The following FAM78B variants were observed in gnomAD, a reference collection of about 807,000 sequenced individuals.
FAM78B encodes family with sequence similarity 78 member B, also known as protein FAM78B.
Under a neutral mutation model 20.0 loss-of-function variants are expected in FAM78B, and 10 were observed. That is an observed-to-expected ratio of 0.50 (90% CI 0.31 to 0.85). The LOEUF (loss-of-function observed/expected upper bound fraction) is 0.85, where lower values mean the gene tolerates loss of function less well. Ranked by LOEUF, FAM78B falls within the 40% of genes least tolerant of loss-of-function variation. The pLI, the probability that FAM78B is intolerant of heterozygous loss-of-function variation, is 0.05. For missense variants in FAM78B, 283 were observed against 345.0 expected (o/e 0.82, Z 1.42); for synonymous variants, 135 against 132.8 (o/e 1.02, Z -0.12).
downstream of FAM78B, among the ~76,000 whole-genome samples, chr1:166,065,341 T>G (rs1265036540): frequency 1.3e-5 from 2 of 152,242 alleles, no homozygotes; most frequent in Non-Finnish European, 1.5e-5. Flanking sequence ...AAAGTGGTGA[T>G]ATAATGCCAA....
intron 1 of FAM78B, among the ~76,000 whole-genome samples, chr1:166,126,837 T>A (rs1020999636): frequency 6.6e-6 from 1 of 152,186 alleles, no homozygotes; most frequent in Non-Finnish European, 1.5e-5. Flanking sequence ...TAACCAAGTA[T>A]TGGAGCTGGG....
chr1:166,079,599 G>A (rs776013289), intron 1 of FAM78B, among the ~76,000 whole-genome samples: 20 of 152,140 alleles, frequency 1.3e-4, no homozygotes, highest in Non-Finnish European at 2.5e-4. Context: ...GGGGTGGGAG[G>A]GGAAGTAGGT....
intron 1 of FAM78B, among the ~76,000 whole-genome samples, chr1:166,071,348 G>T (rs1408878558): frequency 6.6e-6 from 1 of 152,186 alleles, no homozygotes; most frequent in Non-Finnish European, 1.5e-5. Context: ...AGAAAATCAT[G>T]GTCATCTTCT....
intron 1 of FAM78B, among the ~76,000 whole-genome samples, 190 bp downstream of exon 1, chr1:166,165,796 G>T (rs1656347347): frequency 6.6e-6 from 1 of 152,110 alleles, no homozygotes; most frequent in Admixed American, 6.5e-5. Context: ...GCCTTCGCAA[G>T]GAGCCTCCCT....
intron 1 of FAM78B, among the ~76,000 whole-genome samples, chr1:166,142,857 G>A (rs1477319670): frequency 6.6e-6 from 1 of 152,202 alleles, no homozygotes; most frequent in African/African-American, 2.4e-5. Context: ...AAGGAATTGT[G>A]CTCTTGCCCT....
intron 1 of FAM78B, 96 bp downstream of exon 1, chr1:166,165,890 G>T (rs1656354972): frequency 1.1e-5 from 15 of 1,425,224 alleles, no homozygotes; most frequent in Middle Eastern, 1.8e-4. Flanking sequence ...AAGACGATGG[G>T]GACAGCAGTA....
chr1:166,071,050 A>T (rs1652007785), intron 1 of FAM78B, among the ~76,000 whole-genome samples: 1 of 152,246 alleles, frequency 6.6e-6, no homozygotes, highest in East Asian at 1.9e-4. Context: ...AGAGACATCA[A>T]CTAGTTAGAT....
At chr1:166,137,451 G>C (rs982633960) in intron 1 of FAM78B, among the ~76,000 whole-genome samples, 5 of 151,914 alleles carry the variant, frequency 3.3e-5, no homozygotes, top group African/African-American at 9.7e-5. Context: ...TTACATAGCA[G>C]GACAGTAGCT....
intron 1 of FAM78B, among the ~76,000 whole-genome samples, chr1:166,165,249 T>A (rs1426219887): frequency 6.6e-6 from 1 of 152,182 alleles, no homozygotes; most frequent in Non-Finnish European, 1.5e-5. Context: ...AAGAGATCCA[T>A]CCTTTCCTTT....
At chr1:166,121,660 G>T (rs1353408896) in intron 1 of FAM78B, among the ~76,000 whole-genome samples, 1 of 152,164 alleles carries the variant, frequency 6.6e-6, no homozygotes, top group Non-Finnish European at 1.5e-5. Context: ...TTAGCACCAT[G>T]TGCCAAGGTT....
chr1:166,102,754 T>C (rs1653582908), intron 1 of FAM78B, among the ~76,000 whole-genome samples: 1 of 152,048 alleles, frequency 6.6e-6, no homozygotes, highest in Non-Finnish European at 1.5e-5. Context: ...CACACAATAA[T>C]AACGGGAGAC....
intron 1 of FAM78B, among the ~76,000 whole-genome samples, chr1:166,083,501 C>T (rs1418453116): frequency 2.0e-5 from 3 of 152,134 alleles, no homozygotes; most frequent in Non-Finnish European, 4.4e-5. Flanking sequence ...AAAACCCACG[C>T]TGTAGGTTTT....
intron 1 of FAM78B, among the ~76,000 whole-genome samples, chr1:166,100,542 T>A (rs936286475): frequency 6.6e-6 from 1 of 152,202 alleles, no homozygotes; most frequent in Non-Finnish European, 1.5e-5. Context: ...ACCAGGAGAT[T>A]ATATCCCATG....
chr1:166,099,969 C>T (rs572812155), intron 1 of FAM78B, among the ~76,000 whole-genome samples: 5 of 152,262 alleles, frequency 3.3e-5, no homozygotes, highest in African/African-American at 1.2e-4. Flanking sequence ...TTCTATTCAA[C>T]AGTGCATGGA....
intron 1 of FAM78B, among the ~76,000 whole-genome samples, chr1:166,114,895 G>A (rs1654199477): frequency 6.6e-6 from 1 of 152,134 alleles, no homozygotes. Flanking sequence ...TGTATCCTGG[G>A]GCCTCCTCAC....
rs920980877 is a variant in FAM78B at position 166,166,290 on chromosome 1, G to C, written c.-42C>G. On this transcript the variant is annotated 5_prime_UTR_variant, in exon 1 of 2. Transcript: ENST00000354422. Reference sequence around the variant, plus strand: ...GGCACGGCGCGGCGTGGGGCAGCGCGGGGGCCCGCGCGGGCAGCCGGGGGC... The same window carrying C: ...GGCACGGCGCGGCGTGGGGCAGCGCCGGGGCCCGCGCGGGCAGCCGGGGGC... The C allele has an allele frequency of 2.7e-5, 33 of 1,205,120 alleles. No individual in the cohort carries two copies. The highest frequency in any genetic ancestry group is 7.2e-6 in the Non-Finnish European group (7 of 970,114). The allele number at this position is 1,205,120 out of a possible 1,614,324, so 74.7% of individuals were successfully genotyped here.
At chr1:166,102,287 G>A (rs897964921) in intron 1 of FAM78B, among the ~76,000 whole-genome samples, 1 of 152,224 alleles carries the variant, frequency 6.6e-6, no homozygotes, top group Non-Finnish European at 1.5e-5. Flanking sequence ...AGGCTAGGAA[G>A]AAACTGCATC....
chr1:166,068,267 A>G (rs902406389), downstream of FAM78B, among the ~76,000 whole-genome samples: 3 of 152,190 alleles, frequency 2.0e-5, no homozygotes, highest in African/African-American at 7.2e-5. Flanking sequence ...TACTTTAGCC[A>G]TGGAGCTCTC....
intron 1 of FAM78B, among the ~76,000 whole-genome samples, chr1:166,152,621 C>A (rs1655720417): frequency 6.6e-6 from 1 of 152,044 alleles, no homozygotes; most frequent in Non-Finnish European, 1.5e-5. Flanking sequence ...GGATTCCAAA[C>A]CCCACATGCT....
Sources: allele counts gnomAD v4.1 joint callset (sites outside exome capture counted in the v4.1 genomes callset), GRCh38; gene constraint gnomAD v4.1.1; transcripts MANE v1.5; gene names NCBI Gene and HGNC (gene_info 2026-07-23, HGNC 2026-07-21).